ZBTB20: variants seen among roughly 807,000 people sequenced by gnomAD.
ZBTB20 encodes the protein zinc finger and BTB domain containing 20.
A neutral mutation model predicts 56.9 loss-of-function variants in ZBTB20; 9 were observed. The ratio of observed to expected loss-of-function variants is 0.16; its 90% CI spans 0.10 to 0.28. The LOEUF (loss-of-function observed/expected upper bound fraction) is 0.28, where lower values mean the gene tolerates loss of function less well. Ranked by LOEUF, ZBTB20 falls within the 10% of genes least tolerant of loss-of-function variation. The pLI is 1.00. For missense variants in ZBTB20, 655 were observed against 1,003.0 expected, an observed-to-expected ratio of 0.65 and a Z score of 4.69; for synonymous variants, 417 against 420.7, an observed-to-expected ratio of 0.99 and a Z score of 0.11.
At chr3:114,432,168 A>AG (rs2090173353) in intron 7 of ZBTB20, among the ~76,000 whole-genome samples, 1 of 27,626 alleles carries the variant, frequency 3.6e-5, no homozygotes, top group Admixed American at 6.5e-4. Flanking sequence ...TGATTCCATT[A>AG]GAAAAAAAAA....
intron 1 of ZBTB20, among the ~76,000 whole-genome samples, chr3:115,111,143 C>A (rs554972290): frequency 1.3e-5 from 2 of 151,824 alleles, no homozygotes; most frequent in African/African-American, 4.8e-5. Context: ...TATTTCAAAC[C>A]GATGGCACTT....
chr3:114,585,044 T>TCTTTTACAGGCAAGGCTC (rs1301772954), intron 6 of ZBTB20, among the ~76,000 whole-genome samples: 1 of 152,018 alleles, frequency 6.6e-6, no homozygotes, highest in African/African-American at 2.4e-5. Context: ...AGGCAAGGCT[T>TCTTTTACAGGCAAGGCTC]CTCTTACAGG....
At chr3:114,886,050 G>T (rs2076588354) in intron 4 of ZBTB20, among the ~76,000 whole-genome samples, 1 of 152,142 alleles carries the variant, frequency 6.6e-6, no homozygotes, top group Non-Finnish European at 1.5e-5. Flanking sequence ...AATTATTTTA[G>T]GAATGGTTTA....
rs2074760534 is a variant in ZBTB20, at chr3:114,847,303, AAC to A, written c.-416-46131_-416-46130del. Among the ~76,000 whole-genome samples, 5 of 152,114 alleles carry A rather than the reference AAC, an allele frequency of 3.3e-5. No homozygotes were observed. The South Asian group carries it at 1.0e-3, about 32-fold the overall frequency. Reference sequence around the variant, plus strand: ...GGTTCATGAGAAAAAAAAAAAAAGAAACACTACATGCTTCATAGTTACCCTCC... The same window carrying A: ...GGTTCATGAGAAAAAAAAAAAAAGAAACTACATGCTTCATAGTTACCCTCC... On this transcript the variant is annotated intron_variant, in intron 4 of 11. Coordinates refer to ENST00000675478, the MANE Select transcript of ZBTB20 (RefSeq NM_001348800.3).
At chr3:114,476,171 A>G (rs1158599745) in intron 7 of ZBTB20, among the ~76,000 whole-genome samples, 2 of 152,158 alleles carry the variant, frequency 1.3e-5, no homozygotes, top group Admixed American at 1.3e-4. Flanking sequence ...ATAAACATTT[A>G]CTGGCTCAAA....
At chr3:114,994,388 T>G (rs139287884) in intron 2 of ZBTB20, among the ~76,000 whole-genome samples, 1 of 151,938 alleles carries the variant, frequency 6.6e-6, no homozygotes, top group South Asian at 2.1e-4. Context: ...TAGCCTGATA[T>G]AAACTATTAC....
At chr3:114,671,450 A>C (rs1027840879) in intron 6 of ZBTB20, among the ~76,000 whole-genome samples, 1 of 152,146 alleles carries the variant, frequency 6.6e-6, no homozygotes, top group Admixed American at 6.6e-5. Context: ...AATAATCTTG[A>C]AGGGATCCAA....
At chr3:114,621,445 G>A (rs1201025245) in intron 6 of ZBTB20, among the ~76,000 whole-genome samples, 1 of 152,202 alleles carries the variant, frequency 6.6e-6, no homozygotes, top group East Asian at 1.9e-4. Context: ...GCATTTATAA[G>A]CTAACATACA....
At position 114,796,061 on chromosome 3, in the gene ZBTB20, T is replaced by C. The variant is rs182825581; in HGVS notation, c.-343+5040A>G. On this transcript the variant is annotated intron_variant, in intron 5 of 11. Transcript: ENST00000675478. ...GACAAGCTACCACAAGCTTGTTGGC[T>C]TATAAATAATACCCAATATTTATTA... Among the ~76,000 whole-genome samples, 47 of 152,138 alleles carry C rather than the reference T, an allele frequency of 3.1e-4. 1 individual carries two copies. Among genetic ancestry groups the C allele is most frequent in the Non-Finnish European group, 8.8e-5 (6 of 67,938 alleles).
intron 2 of ZBTB20, among the ~76,000 whole-genome samples, chr3:114,981,093 G>C (rs764802332): frequency 1.3e-4 from 20 of 151,888 alleles, no homozygotes; most frequent in Non-Finnish European, 2.4e-4. Flanking sequence ...AAAAAACCAA[G>C]AATCTTTTTT....
chr3:114,922,726 G>A (rs1323340928), intron 3 of ZBTB20, among the ~76,000 whole-genome samples: 1 of 152,212 alleles, frequency 6.6e-6, no homozygotes, highest in Non-Finnish European at 1.5e-5. Context: ...AAGCCAGTGT[G>A]TGGAGATTAC....
chr3:114,538,799 CAA>C (rs1451157729), intron 6 of ZBTB20, among the ~76,000 whole-genome samples: 1 of 151,780 alleles, frequency 6.6e-6, no homozygotes, highest in Non-Finnish European at 1.5e-5. Flanking sequence ...TTCTGCTATG[CAA>C]AAAAAGCACA....
intron 2 of ZBTB20, among the ~76,000 whole-genome samples, chr3:115,007,666 T>C (rs2079534332): frequency 6.6e-6 from 1 of 151,890 alleles, no homozygotes; most frequent in South Asian, 2.1e-4. Flanking sequence ...GTTACCACTT[T>C]CTTCTCTATT....
At chr3:114,383,507 G>A (rs1309193892) in intron 8 of ZBTB20, 1 of 152,150 alleles carries the variant, frequency 6.6e-6, no homozygotes. Context: ...ATCACTTTGG[G>A]AGAATATTGA....
intron 4 of ZBTB20, among the ~76,000 whole-genome samples, chr3:114,803,568 G>T (rs1560268772): frequency 6.6e-6 from 1 of 151,790 alleles, no homozygotes; most frequent in Non-Finnish European, 1.5e-5. Flanking sequence ...AGGACCAGTT[G>T]TCTTTGATAT....
intron 7 of ZBTB20, among the ~76,000 whole-genome samples, chr3:114,461,870 A>C (rs2092346378): frequency 6.6e-6 from 1 of 152,186 alleles, no homozygotes; most frequent in Non-Finnish European, 1.5e-5. Flanking sequence ...TTGTCATAGG[A>C]CAAATCTGTG....
chr3:114,519,649 T>C (rs1208185202), intron 6 of ZBTB20: 3 of 152,124 alleles, frequency 2.0e-5, no homozygotes, highest in Admixed American at 6.6e-5. Context: ...CCAGTTACCA[T>C]AGAGACTGCA....
At chr3:115,142,130 A>G (rs1414777777) in intron 1 of ZBTB20, among the ~76,000 whole-genome samples, 3 of 152,216 alleles carry the variant, frequency 2.0e-5, no homozygotes, top group African/African-American at 7.2e-5. Flanking sequence ...TTTTGGTAAC[A>G]AAGTGGCTTA....
intron 7 of ZBTB20, among the ~76,000 whole-genome samples, chr3:114,473,486 T>C (rs940438238): frequency 6.6e-6 from 1 of 152,176 alleles, no homozygotes; most frequent in African/African-American, 2.4e-5. Context: ...AGAGGTTTTG[T>C]AGCCCGGCAA....
Sources: allele counts gnomAD v4.1 joint callset (sites outside exome capture counted in the v4.1 genomes callset), GRCh38; gene constraint gnomAD v4.1.1; transcripts MANE v1.5; gene names NCBI Gene and HGNC (gene_info 2026-07-23, HGNC 2026-07-21).